Variants in THSD7B observed in about 807,000 individuals in gnomAD.
THSD7B encodes thrombospondin type-1 domain-containing protein 7B.
A neutral mutation model predicts 213.6 loss-of-function variants in THSD7B; 138 were observed. That is an observed-to-expected ratio of 0.65 (90% CI 0.56 to 0.74). THSD7B has a LOEUF of 0.74. THSD7B is among the 30% of genes least tolerant of loss of function. The probability of loss-of-function intolerance (pLI) is 0.00; values close to 1 mark genes in which losing one functional copy is unlikely to be tolerated. For synonymous variants in THSD7B, 742 were observed against 687.0 expected (o/e 1.08, Z -1.25); for missense variants, 1,931 against 1,991.5 (o/e 0.97, Z 0.58).
At chr2:136,983,358 G>GACACACACACACAC (rs778968995) in intron 2 of THSD7B, among the ~76,000 whole-genome samples, 7,209 of 105,072 alleles carry the variant, frequency 0.069, 512 homozygotes, top group African/African-American at 0.14. Flanking sequence ...CAGACACACA[G>GACACACACACACAC]ACACACACAC....
At chr2:137,347,688 T>A (rs914844661) in intron 12 of THSD7B, among the ~76,000 whole-genome samples, 2 of 151,362 alleles carry the variant, frequency 1.3e-5, no homozygotes, top group African/African-American at 4.8e-5. Context: ...CGTTATCACA[T>A]CCCCCTTTGT....
intron 1 of THSD7B, among the ~76,000 whole-genome samples, chr2:136,797,534 C>T (rs894774643): frequency 2.6e-5 from 4 of 151,904 alleles, no homozygotes; most frequent in African/African-American, 9.7e-5. Flanking sequence ...CTTGTTCATG[C>T]GTTGCAGATG....
chr2:136,932,178 A>G (rs1275198637), intron 2 of THSD7B, among the ~76,000 whole-genome samples: 2 of 152,114 alleles, frequency 1.3e-5, no homozygotes, highest in African/African-American at 2.4e-5. Flanking sequence ...CCTAAACTCA[A>G]CAGTCAATTT....
chr2:137,609,839 G>C (rs143536927), intron 17 of THSD7B, among the ~76,000 whole-genome samples: 30 of 152,276 alleles, frequency 2.0e-4, no homozygotes, highest in African/African-American at 6.0e-4. Flanking sequence ...AGTGAAGAGT[G>C]ATAGTGACTT....
intron 18 of THSD7B, among the ~76,000 whole-genome samples, chr2:137,616,564 T>C (rs964296181): frequency 6.6e-6 from 1 of 152,170 alleles, no homozygotes; most frequent in Non-Finnish European, 1.5e-5. Context: ...TTGGCAACAT[T>C]TCAGCAAAAT....
intron 1 of THSD7B, among the ~76,000 whole-genome samples, chr2:136,844,139 G>C (rs1418364922): frequency 6.6e-6 from 1 of 152,098 alleles, no homozygotes; most frequent in East Asian, 1.9e-4. Flanking sequence ...AGTTTTATTA[G>C]TCGGGATCCA....
At chr2:137,165,523 T>C (rs1258987903) in intron 6 of THSD7B, among the ~76,000 whole-genome samples, 1 of 152,102 alleles carries the variant, frequency 6.6e-6, no homozygotes, top group Non-Finnish European at 1.5e-5. Flanking sequence ...CCCATGATTC[T>C]ACTGTGAGTA....
chr2:136,997,197 T>C (rs1032061429), intron 2 of THSD7B, among the ~76,000 whole-genome samples: 20 of 152,268 alleles, frequency 1.3e-4, no homozygotes, highest in African/African-American at 4.6e-4. Context: ...AGGAAACCAC[T>C]CCTCTTTTCT....
At chr2:137,348,809 A>C (rs953144588) in intron 12 of THSD7B, among the ~76,000 whole-genome samples, 1 of 150,450 alleles carries the variant, frequency 6.6e-6, no homozygotes, top group African/African-American at 2.4e-5. Flanking sequence ...AGACACAGGA[A>C]TCTAAATGCT....
chr2:137,264,243 C>T (rs1337111285), intron 10 of THSD7B, among the ~76,000 whole-genome samples: 2 of 151,224 alleles, frequency 1.3e-5, no homozygotes, highest in Admixed American at 1.3e-4. Context: ...GACTTAGAAA[C>T]AGCCTTTTTT....
chr2:137,323,324 C>T (rs951945290), intron 12 of THSD7B, among the ~76,000 whole-genome samples: 1 of 152,172 alleles, frequency 6.6e-6, no homozygotes, highest in African/African-American at 2.4e-5. Context: ...GGTAGCCTGA[C>T]TTGTGGCTGC....
intron 4 of THSD7B, among the ~76,000 whole-genome samples, chr2:137,110,089 C>T (rs1289169198): frequency 2.6e-5 from 4 of 152,226 alleles, no homozygotes; most frequent in South Asian, 4.1e-4. Flanking sequence ...TGAGGATTTC[C>T]CTCGTCATGG....
intron 12 of THSD7B, among the ~76,000 whole-genome samples, chr2:137,311,464 G>T (rs1425553106): frequency 6.6e-6 from 1 of 152,082 alleles, no homozygotes; most frequent in African/African-American, 2.4e-5. Flanking sequence ...GGGACAATTT[G>T]ACTTCCTCTT....
chr2:137,578,295 T>C (rs568960142), intron 17 of THSD7B, among the ~76,000 whole-genome samples: 2 of 152,310 alleles, frequency 1.3e-5, no homozygotes, highest in Admixed American at 6.5e-5. Flanking sequence ...GATATCTATA[T>C]GGGACCTCCT....
chr2:136,943,983 A>G (rs1684879817), intron 2 of THSD7B, among the ~76,000 whole-genome samples: 1 of 152,046 alleles, frequency 6.6e-6, no homozygotes, highest in Non-Finnish European at 1.5e-5. Flanking sequence ...TAGGGTGTCA[A>G]TTTTAGATCT....
chr2:137,252,657 C>G (rs1320078148), intron 10 of THSD7B, among the ~76,000 whole-genome samples: 21 of 152,146 alleles, frequency 1.4e-4, no homozygotes, highest in Non-Finnish European at 1.5e-5. Context: ...ATTGGAGCAG[C>G]CCTTGAGGCC....
At chr2:136,835,985 C>G (rs971894532) in intron 1 of THSD7B, among the ~76,000 whole-genome samples, 2 of 152,130 alleles carry the variant, frequency 1.3e-5, no homozygotes, top group Admixed American at 1.3e-4. Flanking sequence ...TGCGACTACT[C>G]TTTAATCTTT....
chr2:137,638,198 A>G (rs1015847631), intron 20 of THSD7B, among the ~76,000 whole-genome samples: 2 of 152,158 alleles, frequency 1.3e-5, no homozygotes, highest in African/African-American at 2.4e-5. Context: ...TGTGTCCCCA[A>G]CCAAATCTCA....
chr2:137,192,196 G>A (rs1465700918), intron 7 of THSD7B, among the ~76,000 whole-genome samples: 1 of 151,728 alleles, frequency 6.6e-6, no homozygotes, highest in Non-Finnish European at 1.5e-5. Flanking sequence ...CTTAATCGTG[G>A]GTATACATAA....
Sources: allele counts gnomAD v4.1 joint callset (sites outside exome capture counted in the v4.1 genomes callset), GRCh38; gene constraint gnomAD v4.1.1; transcripts MANE v1.5; gene names NCBI Gene and HGNC (gene_info 2026-07-23, HGNC 2026-07-21).